The following FGF12 variants were observed in gnomAD, a reference collection of about 807,000 sequenced individuals.
FGF12 encodes fibroblast growth factor 12B.
Under a neutral mutation model 23.6 loss-of-function variants are expected in FGF12, and 14 were observed. The ratio of observed to expected loss-of-function variants is 0.59; its 90% CI spans 0.39 to 0.93. The LOEUF (loss-of-function observed/expected upper bound fraction) is 0.93, where lower values mean the gene tolerates loss of function less well. Among genes scored for constraint, FGF12 ranks in the 40% least tolerant of loss-of-function variants. FGF12 has a pLI of 0.00. For missense variants in FGF12, 175 were observed against 217.8 expected, an observed-to-expected ratio of 0.80 and a Z score of 1.24; for synonymous variants, 62 against 77.3, an observed-to-expected ratio of 0.80 and a Z score of 1.04.
At chr3:192,441,111 T>C (rs1459172073) in intron 2 of FGF12, among the ~76,000 whole-genome samples, 1 of 152,232 alleles carries the variant, frequency 6.6e-6, no homozygotes, top group African/African-American at 2.4e-5. Flanking sequence ...AATGCCAGTA[T>C]TGCCACTTAA....
At chr3:192,531,869 G>A (rs1725097357) in intron 2 of FGF12, among the ~76,000 whole-genome samples, 1 of 152,212 alleles carries the variant, frequency 6.6e-6, no homozygotes, top group South Asian at 2.1e-4. Context: ...TTTCTTGTTT[G>A]TTAGTTGTTT....
At chr3:192,457,726 C>G (rs1442926765) in intron 2 of FGF12, among the ~76,000 whole-genome samples, 1 of 152,144 alleles carries the variant, frequency 6.6e-6, no homozygotes, top group South Asian at 2.1e-4. Context: ...AATAAATACC[C>G]ATTTTTGAGG....
At chr3:192,418,476 T>C (rs1375859934) in intron 2 of FGF12, among the ~76,000 whole-genome samples, 1 of 152,072 alleles carries the variant, frequency 6.6e-6, no homozygotes, top group African/African-American at 2.4e-5. Context: ...ATCAAAAAAC[T>C]CTGCGTTCCA....
chr3:192,657,476 C>T (rs931958566), intron 2 of FGF12, among the ~76,000 whole-genome samples: 3 of 151,302 alleles, frequency 2.0e-5, no homozygotes, highest in Admixed American at 1.3e-4. Flanking sequence ...AAAAGAACCT[C>T]CCATAGTGTA....
chr3:192,458,904 A>C (rs1485135019), intron 2 of FGF12, among the ~76,000 whole-genome samples: 6 of 152,166 alleles, frequency 3.9e-5, no homozygotes, highest in Non-Finnish European at 8.8e-5. Flanking sequence ...AGATAATTTG[A>C]ATCATGGGGC....
chr3:192,197,946 CAA>C (rs11328919), intron 4 of FGF12, among the ~76,000 whole-genome samples: 5,226 of 49,422 alleles, frequency 0.11, 81 homozygotes, highest in East Asian at 0.13. Context: ...AATTCCTCCT[CAA>C]AAAAAAAAAA....
In FGF12 at chr3:192,643,211, T is replaced by C. The variant is rs539260232; in HGVS notation, c.13+83970A>G. On this transcript the variant is annotated intron_variant, in intron 2 of 5. Coordinates refer to ENST00000445105, the MANE Select transcript of FGF12 (RefSeq NM_004113.6). The stretch of plus-strand genomic sequence containing the variant: ...TAGAATGGATGGATGGATAGATAGA[T>C]AAATTTAGAATATATATCCATTTAT... 1.8e-4 allele frequency among the ~76,000 whole-genome samples: 28 copies of C among 152,328 alleles called. No individual in the cohort carries two copies. In the East Asian group the frequency reaches 5.0e-3, roughly 27 times the overall value.
chr3:192,418,110 G>A (rs1180606176), intron 2 of FGF12, among the ~76,000 whole-genome samples: 1 of 152,076 alleles, frequency 6.6e-6, no homozygotes, highest in East Asian at 1.9e-4. Context: ...TTATGTAGAT[G>A]TTAGATGCAA....
intron 3 of FGF12, among the ~76,000 whole-genome samples, chr3:192,335,732 A>T (rs1717372594): frequency 6.6e-6 from 1 of 152,122 alleles, no homozygotes; most frequent in South Asian, 2.1e-4. Flanking sequence ...TGGATCTGAG[A>T]TTTCAGGATC....
chr3:192,244,623 T>G (rs1299980901), intron 4 of FGF12, among the ~76,000 whole-genome samples: 24 of 152,198 alleles, frequency 1.6e-4, no homozygotes, highest in Admixed American at 1.6e-3. Context: ...ATCTTGTATC[T>G]TATGGTTGTG....
At chr3:192,311,195 T>C (rs1715913762) in intron 4 of FGF12, among the ~76,000 whole-genome samples, 1 of 152,190 alleles carries the variant, frequency 6.6e-6, no homozygotes, top group South Asian at 2.1e-4. Context: ...TACAACTAAA[T>C]GGTATTTAAT....
At chr3:192,566,074 G>A (rs893130358) in intron 2 of FGF12, among the ~76,000 whole-genome samples, 4 of 152,102 alleles carry the variant, frequency 2.6e-5, no homozygotes, top group African/African-American at 9.7e-5. Flanking sequence ...CAAAAAGAAC[G>A]AAGTTCCGTC....
At chr3:192,523,751 C>G (rs368385973) in intron 2 of FGF12, among the ~76,000 whole-genome samples, 1 of 152,202 alleles carries the variant, frequency 6.6e-6, no homozygotes, top group Admixed American at 6.5e-5. Context: ...CCTCAGTGGA[C>G]TCACTATCTC....
chr3:192,243,715 TAAC>T (rs755481283), intron 4 of FGF12, among the ~76,000 whole-genome samples: 32 of 152,174 alleles, frequency 2.1e-4, no homozygotes, highest in South Asian at 4.1e-4. Flanking sequence ...AATAAAATGT[TAAC>T]ATCATTATGT....
At chr3:192,613,460 A>G (rs1291215448) in intron 2 of FGF12, among the ~76,000 whole-genome samples, 1 of 151,948 alleles carries the variant, frequency 6.6e-6, no homozygotes, top group East Asian at 1.9e-4. Context: ...AAAACAATAT[A>G]GGACTTACTT....
intron 2 of FGF12, among the ~76,000 whole-genome samples, chr3:192,478,827 A>G (rs1418607609): frequency 6.6e-6 from 1 of 152,190 alleles, no homozygotes; most frequent in Non-Finnish European, 1.5e-5. Context: ...ATAAACTCAA[A>G]AGAAACAGTT....
At chr3:192,555,691 G>A (rs948982666) in intron 2 of FGF12, among the ~76,000 whole-genome samples, 5 of 150,790 alleles carry the variant, frequency 3.3e-5, no homozygotes, top group South Asian at 2.1e-4. Context: ...CCAGCTAATC[G>A]GGAGGCTGAG....
At chr3:192,303,284 C>T (rs561671301) in intron 4 of FGF12, among the ~76,000 whole-genome samples, 13 of 152,138 alleles carry the variant, frequency 8.5e-5, no homozygotes, top group African/African-American at 1.9e-4. Flanking sequence ...GATTTTGTCA[C>T]GTTAGTAGAC....
chr3:192,695,507 T>G (rs759622999), intron 2 of FGF12, among the ~76,000 whole-genome samples: 23 of 152,212 alleles, frequency 1.5e-4, no homozygotes, highest in Non-Finnish European at 2.8e-4. Context: ...TCCTATCACC[T>G]ACTCTGATGA....
Sources: allele counts gnomAD v4.1 joint callset (sites outside exome capture counted in the v4.1 genomes callset), GRCh38; gene constraint gnomAD v4.1.1; transcripts MANE v1.5; gene names NCBI Gene and HGNC (gene_info 2026-07-23, HGNC 2026-07-21).